CDH12: variants seen among roughly 807,000 people sequenced by gnomAD.
CDH12 encodes the protein cadherin 12, also known as cadherin-12.
A neutral mutation model predicts 74.1 loss-of-function variants in CDH12; 41 were observed. The ratio of observed to expected loss-of-function variants is 0.55; its 90% CI spans 0.43 to 0.72. CDH12 has a LOEUF of 0.72. Among genes scored for constraint, CDH12 ranks in the 30% least tolerant of loss-of-function variants. The probability of loss-of-function intolerance (pLI) is 0.00; values close to 1 mark genes in which losing one functional copy is unlikely to be tolerated. For missense variants in CDH12, 945 were observed against 977.2 expected, an observed-to-expected ratio of 0.97 and a Z score of 0.44; for synonymous variants, 399 against 355.0, an observed-to-expected ratio of 1.12 and a Z score of -1.39.
At chr5:21,922,265 G>T (rs1037625639) in intron 6 of CDH12, among the ~76,000 whole-genome samples, 2 of 152,120 alleles carry the variant, frequency 1.3e-5, no homozygotes, top group African/African-American at 4.8e-5. Flanking sequence ...TAGAATTTCA[G>T]AGTACAGGAT....
At chr5:22,692,587 T>C (rs1040081323) in intron 1 of CDH12, among the ~76,000 whole-genome samples, 1 of 152,174 alleles carries the variant, frequency 6.6e-6, no homozygotes, top group Non-Finnish European at 1.5e-5. Context: ...GTTTAGTTCT[T>C]CCTTGGGCTA....
At chr5:22,119,292 T>G (rs1335534079) in intron 4 of CDH12, among the ~76,000 whole-genome samples, 1 of 149,496 alleles carries the variant, frequency 6.7e-6, no homozygotes, top group Non-Finnish European at 1.5e-5. Flanking sequence ...TTCGTTTTTT[T>G]TTTTTTTTTT....
intron 3 of CDH12, among the ~76,000 whole-genome samples, chr5:22,301,996 C>CATAT (rs1188581759): frequency 7.6e-6 from 1 of 131,126 alleles, no homozygotes; most frequent in African/African-American, 2.7e-5. Context: ...CATATAGGTA[C>CATAT]ATATATATAT....
chr5:22,652,861 T>C (rs1312736592), intron 1 of CDH12, among the ~76,000 whole-genome samples: 1 of 152,136 alleles, frequency 6.6e-6, no homozygotes, highest in Non-Finnish European at 1.5e-5. Context: ...TGAATCTCCA[T>C]AGAAGCCTCT....
intron 1 of CDH12, among the ~76,000 whole-genome samples, chr5:22,730,164 A>G (rs1744361206): frequency 6.6e-6 from 1 of 151,822 alleles, no homozygotes; most frequent in Admixed American, 6.6e-5. Flanking sequence ...TTACAACTAG[A>G]TATTTAAATA....
chr5:22,333,477 T>C (rs1159404376), intron 3 of CDH12, among the ~76,000 whole-genome samples: 3 of 151,914 alleles, frequency 2.0e-5, no homozygotes, highest in Non-Finnish European at 4.4e-5. Flanking sequence ...GAACTTAAAG[T>C]AAAATTGTTT....
Position 21,975,254 on chromosome 5 carries a change from C to A in CDH12, c.363G>T (p.Glu121Asp). ...GAGCACGAAGAGTGTAGAAAGGTTT[C>A]TCTTCTCTATCTAGGCTCCTTATTG... ...IHAIRSLDREEKPFYTLRAQA... is the reference protein window; with the variant it reads ...IHAIRSLDREDKPFYTLRAQA... The change falls in exon 6 of 15, where the codon GAG (glutamate) becomes GAT (aspartate). Residue 121 changes from glutamate (E) to aspartate (D), a missense_variant. Around this residue, in one of 3 missense-constraint regions of CDH12, gnomAD observed 148 missense variants for 162.8 expected, o/e 0.91. Coordinates refer to ENST00000382254, the MANE Select transcript of CDH12 (RefSeq NM_004061.5). The A allele has an allele frequency of 5.0e-6, 8 of 1,597,380 alleles. No homozygotes were observed. Among genetic ancestry groups the A allele is most frequent in the Non-Finnish European group, 6.8e-6 (8 of 1,179,690 alleles).
chr5:22,249,725 G>A (rs1426027597), intron 3 of CDH12, among the ~76,000 whole-genome samples: 1 of 152,136 alleles, frequency 6.6e-6, no homozygotes, highest in African/African-American at 2.4e-5. Flanking sequence ...ATCGTCTCAT[G>A]TTTAAAATTT....
chr5:22,105,933 G>A (rs564751659), intron 4 of CDH12, among the ~76,000 whole-genome samples: 1 of 152,180 alleles, frequency 6.6e-6, no homozygotes, highest in African/African-American at 2.4e-5. Flanking sequence ...TTCCTTAAAT[G>A]TTAAGGGCTT....
intron 1 of CDH12, among the ~76,000 whole-genome samples, chr5:22,834,832 CAAAGG>C (rs1736753914): frequency 6.7e-6 from 1 of 148,756 alleles, no homozygotes; most frequent in African/African-American, 2.5e-5. Flanking sequence ...GAAAGAAAAG[CAAAGG>C]AAAGGAAATA....
At chr5:22,586,661 C>T (rs1243542772) in intron 1 of CDH12, among the ~76,000 whole-genome samples, 1 of 151,668 alleles carries the variant, frequency 6.6e-6, no homozygotes, top group East Asian at 1.9e-4. Flanking sequence ...CTCCTTCACA[C>T]CAGTTTTCAC....
intron 2 of CDH12, among the ~76,000 whole-genome samples, chr5:22,486,300 T>C (rs1249892335): frequency 2.6e-5 from 4 of 152,164 alleles, no homozygotes; most frequent in Non-Finnish European, 5.9e-5. Context: ...CACCACCCAC[T>C]AACTAATATT....
chr5:22,658,123 G>A (rs565687129), intron 1 of CDH12, among the ~76,000 whole-genome samples: 2 of 152,142 alleles, frequency 1.3e-5, no homozygotes, highest in Non-Finnish European at 2.9e-5. Context: ...ACTGAGTTAA[G>A]TAGTAATTTG....
chr5:22,714,845 CA>C (rs1743487001), intron 1 of CDH12, among the ~76,000 whole-genome samples: 1 of 152,152 alleles, frequency 6.6e-6, no homozygotes, highest in Non-Finnish European at 1.5e-5. Flanking sequence ...TGGGGCTTAA[CA>C]ACGTACTTTG....
intron 3 of CDH12, among the ~76,000 whole-genome samples, chr5:22,227,952 C>G (rs1423858024): frequency 6.6e-6 from 1 of 152,122 alleles, no homozygotes; most frequent in Non-Finnish European, 1.5e-5. Context: ...CCACACCTGT[C>G]ACTTTTTCCA....
intron 5 of CDH12, among the ~76,000 whole-genome samples, chr5:21,992,872 A>T (rs1320995806): frequency 6.6e-6 from 1 of 152,158 alleles, no homozygotes; most frequent in Non-Finnish European, 1.5e-5. Context: ...ATTTATAAAG[A>T]AAAGAAGTTT....
intron 1 of CDH12, among the ~76,000 whole-genome samples, chr5:22,518,923 G>C (rs961074097): frequency 1.3e-5 from 2 of 152,156 alleles, no homozygotes; most frequent in African/African-American, 2.4e-5. Context: ...TTGGGAGACA[G>C]GCTTAGTCAT....
chr5:22,426,050 G>C (rs1307802263), intron 2 of CDH12, among the ~76,000 whole-genome samples: 1 of 151,980 alleles, frequency 6.6e-6, no homozygotes, highest in Non-Finnish European at 1.5e-5. Flanking sequence ...AGCTGGGTGT[G>C]GTGGCGGGCG....
chr5:22,314,391 G>T (rs1738523498), intron 3 of CDH12, among the ~76,000 whole-genome samples: 1 of 152,124 alleles, frequency 6.6e-6, no homozygotes, highest in Admixed American at 6.5e-5. Flanking sequence ...ATCCAGTATG[G>T]GTGATGTCCT....
Sources: allele counts gnomAD v4.1 joint callset (sites outside exome capture counted in the v4.1 genomes callset), GRCh38; gene constraint gnomAD v4.1.1; regional missense constraint gnomAD v4.1.1; transcripts MANE v1.5; gene names NCBI Gene and HGNC (gene_info 2026-07-23, HGNC 2026-07-21).